GALNT18: variants seen among roughly 807,000 people sequenced by gnomAD.
The protein encoded by GALNT18 is GalNAc-transferase 18.
A neutral mutation model predicts 69.5 loss-of-function variants in GALNT18; 44 were observed. The ratio of observed to expected loss-of-function variants is 0.63; its 90% confidence interval spans 0.50 to 0.81. The LOEUF is 0.81. Among genes scored for constraint, GALNT18 ranks in the 40% least tolerant of loss-of-function variants. The pLI is 0.00. For synonymous variants in GALNT18, 364 were observed against 318.2 expected, an observed-to-expected ratio of 1.14 and a Z score of -1.53; for missense variants, 715 against 810.0, an observed-to-expected ratio of 0.88 and a Z score of 1.42.
rs563648970 is a variant in GALNT18, at chr11:11,338,470, G to A, written c.1278+2349C>T. Among the ~76,000 whole-genome samples the A allele has an allele frequency of 5.5e-4, 83 of 152,250 alleles. No individual in the cohort carries two copies. The highest frequency in any genetic ancestry group is 1.9e-3 in the African/African-American group (77 of 41,534). The stretch of plus-strand genomic sequence containing the variant: ...TGGGAAGGAGGGCTTGTGATTGACT[G>A]GGACAGGGCATTGAGAGAGAGGAAG... On this transcript the variant is annotated intron_variant, in intron 7 of 10. Transcript: ENST00000227756. This position sits in a 1 kb window ranked among gnomAD's most constrained non-coding sequence, Gnocchi z 5.3.
At chr11:11,499,421 C>A (rs534120634) in intron 1 of GALNT18, among the ~76,000 whole-genome samples, 1 of 152,240 alleles carries the variant, frequency 6.6e-6, no homozygotes, top group African/African-American at 2.4e-5. Context: ...CCCCTGACTG[C>A]AGCCTGTTAC....
intron 10 of GALNT18, among the ~76,000 whole-genome samples, chr11:11,272,651 C>T (rs1468229421): frequency 6.6e-6 from 1 of 152,230 alleles, no homozygotes; most frequent in Non-Finnish European, 1.5e-5. Context: ...GGGATTCTTC[C>T]CCATGCTCCC....
rs1856236624 is a variant in GALNT18 at position 11,469,998 on chromosome 11, G to T, written c.236-21062C>A. ...CTTTGAATGAATTGAAGTCCTGTTT[G>T]CTTGCCTTTGTAACTGCTTCCCATA... On this transcript the variant is annotated intron_variant, in intron 1 of 10. Transcript: ENST00000227756. The surrounding 1 kb of genome is among the most constrained non-coding windows in gnomAD (Gnocchi z 4.2). Among the ~76,000 whole-genome samples the T allele has an allele frequency of 6.6e-6, 1 of 152,206 alleles. No individual in the cohort carries two copies. Among genetic ancestry groups the T allele is most frequent in the African/African-American group, 2.4e-5 (1 of 41,458 alleles).
chr11:11,333,704 C>A (rs1404493785), intron 7 of GALNT18, among the ~76,000 whole-genome samples: 2 of 152,008 alleles, frequency 1.3e-5, no homozygotes, highest in African/African-American at 4.8e-5. Flanking sequence ...AGAGGTGGCT[C>A]CTGAGCCACC....
At chr11:11,286,492 C>CTT (rs58774538) in intron 10 of GALNT18, among the ~76,000 whole-genome samples, 426 of 150,674 alleles carry the variant, frequency 2.8e-3, no homozygotes, top group African/African-American at 9.6e-3. Flanking sequence ...TGTTAGATGA[C>CTT]TTTTTTTTTT....
chr11:11,608,202 G>A (rs1859799244), intron 1 of GALNT18, among the ~76,000 whole-genome samples: 1 of 152,146 alleles, frequency 6.6e-6, no homozygotes, highest in African/African-American at 2.4e-5. Flanking sequence ...GATATACTAG[G>A]TGTTACAACC....
chr11:11,463,571 C>G lies in GALNT18; in HGVS notation c.236-14635G>C, dbSNP rs1483503201. Among the ~76,000 whole-genome samples the G allele has an allele frequency of 6.6e-6, 1 of 152,184 alleles. No individual in the cohort carries two copies. The highest frequency in any genetic ancestry group is 1.5e-5 in the Non-Finnish European group (1 of 68,028). On this transcript the variant is annotated intron_variant, in intron 1 of 10. Coordinates refer to ENST00000227756, the MANE Select transcript of GALNT18 (RefSeq NM_198516.3). The surrounding 1 kb of genome is among the most constrained non-coding windows in gnomAD (Gnocchi z 4.2). ...CCATCACTCCCAGCAGCTGTCGGCT[C>G]ACTGGACGTCTTTTCATTACTGTCC... is the stretch of plus-strand genomic sequence containing the variant.
chr11:11,449,974 T>A (rs1188390618), intron 1 of GALNT18, among the ~76,000 whole-genome samples: 4 of 152,214 alleles, frequency 2.6e-5, no homozygotes, highest in African/African-American at 9.6e-5. Context: ...AAAAGATAGA[T>A]CTTGCCAGGA....
intron 9 of GALNT18, among the ~76,000 whole-genome samples, chr11:11,319,397 A>T (rs1243021877): frequency 6.6e-6 from 1 of 152,236 alleles, no homozygotes; most frequent in African/African-American, 2.4e-5. Flanking sequence ...CTTCACAAGG[A>T]CAGTCACTTT....
chr11:11,342,462 A>G (rs1850225678), intron 6 of GALNT18, among the ~76,000 whole-genome samples: 1 of 152,146 alleles, frequency 6.6e-6, no homozygotes, highest in Non-Finnish European at 1.5e-5. Context: ...GGATAAAGCC[A>G]GATTTGGATT....
At position 11,511,647 on chromosome 11, in the gene GALNT18, G is replaced by A. The variant is rs55833002; in HGVS notation, c.236-62711C>T. Among the ~76,000 whole-genome samples, 85,728 of 152,058 alleles carry A rather than the reference G, an allele frequency of 0.56. 25,973 individuals carry two copies. The highest frequency in any genetic ancestry group is 0.68 in the Non-Finnish European group (46,125 of 67,980). The stretch of plus-strand genomic sequence containing the variant: ...TTGATAGGTTGGAACCTAATCCCCA[G>A]TGTGATGATGTTTGAAGGTAGGGCC... On this transcript the variant is annotated intron_variant, in intron 1 of 10. Coordinates refer to ENST00000227756, the MANE Select transcript of GALNT18 (RefSeq NM_198516.3). The surrounding 1 kb of genome is among the most constrained non-coding windows in gnomAD (Gnocchi z 4.9).
chr11:11,499,157 G>C (rs1305197083), intron 1 of GALNT18, among the ~76,000 whole-genome samples: 3 of 152,136 alleles, frequency 2.0e-5, no homozygotes, highest in Non-Finnish European at 4.4e-5. Flanking sequence ...GCCAGCCTTA[G>C]AACTGTATGA....
At chr11:11,392,698 CACATGGTGAA>C (rs1240832471) in intron 3 of GALNT18, among the ~76,000 whole-genome samples, 2 of 152,230 alleles carry the variant, frequency 1.3e-5, no homozygotes, top group African/African-American at 4.8e-5. Flanking sequence ...CAGGTTCTGA[CACATGGTGAA>C]CATGGGCTCA....
chr11:11,497,965 A>C lies in GALNT18; in HGVS notation c.236-49029T>G, dbSNP rs987559995. Among the ~76,000 whole-genome samples, 1 of 152,146 alleles carries C rather than the reference A, an allele frequency of 6.6e-6. No homozygotes were observed. The highest frequency in any genetic ancestry group is 1.5e-5 in the Non-Finnish European group (1 of 68,026). On this transcript the variant is annotated intron_variant, in intron 1 of 10. Coordinates refer to ENST00000227756, the MANE Select transcript of GALNT18 (RefSeq NM_198516.3). This position sits in a 1 kb window ranked among gnomAD's most constrained non-coding sequence, Gnocchi z 4.2. ...AGCTGGTAAAAAAAATAAAAAATAA[A>C]ATTATAATTCATGACTTTTTATATC...
Position 11,270,977 on chromosome 11 carries a change from G to T in GALNT18, c.*167C>A. ...ATATCATACCATCACCTACCAATCA[G>T]CATCTTTCTATAAACTCCATGAAAA... On this transcript the variant is annotated 3_prime_UTR_variant, in exon 11 of 11. Coordinates refer to ENST00000227756, the MANE Select transcript of GALNT18 (RefSeq NM_198516.3). 1.8e-6 allele frequency: 1 copy of T among 555,308 alleles called. No homozygotes were observed. Among genetic ancestry groups the T allele is most frequent in the Non-Finnish European group, 3.1e-6 (1 of 320,762 alleles). The allele number at this position is 555,308 out of a possible 1,614,324, so 34.4% of individuals were successfully genotyped here.
chr11:11,567,513 T>C (rs2133991708), intron 1 of GALNT18, among the ~76,000 whole-genome samples: 1 of 152,310 alleles, frequency 6.6e-6, no homozygotes, highest in African/African-American at 2.4e-5. Context: ...GTAGTAGGAA[T>C]GACCATTCCA....
intron 1 of GALNT18, among the ~76,000 whole-genome samples, chr11:11,477,570 G>A (rs1462885110): frequency 2.0e-5 from 3 of 152,206 alleles, no homozygotes; most frequent in African/African-American, 7.2e-5. Flanking sequence ...AAATAGGGAG[G>A]AAGAGCTGGG....
intron 1 of GALNT18, among the ~76,000 whole-genome samples, chr11:11,456,472 C>G (rs934303786): frequency 5.5e-4 from 83 of 152,178 alleles, no homozygotes; most frequent in African/African-American, 2.0e-3. Flanking sequence ...ACAGCTGCCG[C>G]CTAAAATACC....
chr11:11,472,350 T>C (rs1856291842), intron 1 of GALNT18, among the ~76,000 whole-genome samples: 3 of 152,216 alleles, frequency 2.0e-5, no homozygotes, highest in Admixed American at 2.0e-4. Context: ...GACAGTCATT[T>C]CCTCACTCTC....
Sources: allele counts gnomAD v4.1 joint callset (sites outside exome capture counted in the v4.1 genomes callset), GRCh38; gene constraint gnomAD v4.1.1; non-coding constraint Gnocchi (gnomAD v3.1); transcripts MANE v1.5; gene names NCBI Gene and HGNC (gene_info 2026-07-23, HGNC 2026-07-21).